Variants in STXBP6 observed in about 807,000 individuals in gnomAD.
STXBP6 encodes syntaxin-binding protein 6.
A neutral mutation model predicts 26.9 loss-of-function variants in STXBP6; 21 were observed. The observed-to-expected ratio is 0.78, with a 90% CI of 0.55 to 1.12. STXBP6 has a LOEUF of 1.12. Ranked by LOEUF, STXBP6 falls within the 50% of genes most tolerant of loss-of-function variation. STXBP6 has a pLI of 0.00. For missense variants in STXBP6, 232 were observed against 257.9 expected (o/e 0.90, Z 0.69); for synonymous variants, 97 against 92.6 (o/e 1.05, Z -0.27).
At chr14:24,964,368 G>A (rs2073658790) in intron 2 of STXBP6, among the ~76,000 whole-genome samples, 2 of 152,146 alleles carry the variant, frequency 1.3e-5, no homozygotes, top group Admixed American at 1.3e-4. Context: ...TATGGTATTG[G>A]ACAGCTTGGC....
intron 1 of STXBP6, among the ~76,000 whole-genome samples, chr14:25,032,248 A>C (rs2075471676): frequency 6.6e-6 from 1 of 152,180 alleles, no homozygotes. Flanking sequence ...CCACACTGGA[A>C]CTAGCCTCTC....
At chr14:25,009,777 A>G (rs2074989770) in intron 1 of STXBP6, among the ~76,000 whole-genome samples, 1 of 152,216 alleles carries the variant, frequency 6.6e-6, no homozygotes. Flanking sequence ...GCCAAATACC[A>G]CAAACATTAT....
At chr14:25,036,875 A>AT (rs2075564984) in intron 1 of STXBP6, among the ~76,000 whole-genome samples, 1 of 151,336 alleles carries the variant, frequency 6.6e-6, no homozygotes, top group Non-Finnish European at 1.5e-5. Context: ...AAAAAAAAAA[A>AT]GAAATCAGCT....
chr14:24,967,638 C>T (rs1030148973), intron 2 of STXBP6, among the ~76,000 whole-genome samples: 3 of 152,152 alleles, frequency 2.0e-5, no homozygotes, highest in African/African-American at 7.2e-5. Context: ...TTTTTATTGC[C>T]TTGTCTTCTA....
At chr14:24,860,775 A>T (rs1294565983) in intron 2 of STXBP6, among the ~76,000 whole-genome samples, 3 of 151,902 alleles carry the variant, frequency 2.0e-5, no homozygotes, top group Non-Finnish European at 2.9e-5. Flanking sequence ...CAAAAAAGTA[A>T]AAAAGAAAGG....
At chr14:24,846,702 C>T (rs1214201096) in intron 4 of STXBP6, among the ~76,000 whole-genome samples, 1 of 152,116 alleles carries the variant, frequency 6.6e-6, no homozygotes, top group African/African-American at 2.4e-5. Context: ...TTGCAATGAA[C>T]CTAGTCCTGG....
chr14:24,830,204 G>A (rs1399784094), intron 4 of STXBP6, among the ~76,000 whole-genome samples: 1 of 152,028 alleles, frequency 6.6e-6, no homozygotes, highest in African/African-American at 2.4e-5. Context: ...ATGGTAATGA[G>A]AGATCTTAAG....
chr14:24,837,679 C>A (rs1448586428), intron 4 of STXBP6, among the ~76,000 whole-genome samples: 1 of 152,134 alleles, frequency 6.6e-6, no homozygotes, highest in Admixed American at 6.5e-5. Context: ...AAGGCTAGGA[C>A]AGAATTAATC....
At chr14:24,978,215 G>T (rs993218818) in intron 1 of STXBP6, among the ~76,000 whole-genome samples, 3 of 152,186 alleles carry the variant, frequency 2.0e-5, no homozygotes, top group Admixed American at 2.0e-4. Flanking sequence ...AGACCCCTGG[G>T]TCCTTCCTTT....
chr14:24,989,874 C>T (rs945917371), intron 1 of STXBP6, among the ~76,000 whole-genome samples: 7 of 152,154 alleles, frequency 4.6e-5, no homozygotes, highest in African/African-American at 9.7e-5. Context: ...TATTAAGATA[C>T]GCCTCACCTT....
intron 1 of STXBP6, among the ~76,000 whole-genome samples, chr14:25,020,669 G>C (rs2075245260): frequency 6.6e-6 from 1 of 152,076 alleles, no homozygotes; most frequent in Admixed American, 6.5e-5. Flanking sequence ...AATATCCTCA[G>C]CTTCAGCTTC....
chr14:25,028,819 A>G (rs2075397197), intron 1 of STXBP6, among the ~76,000 whole-genome samples: 1 of 152,282 alleles, frequency 6.6e-6, no homozygotes, highest in East Asian at 1.9e-4. Flanking sequence ...GGAGGTCAAA[A>G]TATCAACATT....
At chr14:24,955,278 G>A (rs1260358230) in intron 2 of STXBP6, among the ~76,000 whole-genome samples, 5 of 152,064 alleles carry the variant, frequency 3.3e-5, no homozygotes, top group East Asian at 3.9e-4. Context: ...TCAACCTCCT[G>A]GGGATGGCTA....
chr14:24,844,120 C>A (rs1350938348), intron 4 of STXBP6, among the ~76,000 whole-genome samples: 2 of 152,126 alleles, frequency 1.3e-5, no homozygotes, highest in African/African-American at 4.8e-5. Flanking sequence ...GTAGAAGCCC[C>A]TAAATGATGG....
At chr14:24,843,871 G>T (rs1367269883) in intron 4 of STXBP6, among the ~76,000 whole-genome samples, 1 of 152,176 alleles carries the variant, frequency 6.6e-6, no homozygotes. Context: ...CTGCATGACA[G>T]GAATGAGAGT....
intron 2 of STXBP6, among the ~76,000 whole-genome samples, chr14:24,961,451 CAA>C (rs35074945): frequency 0.25 from 33,717 of 137,154 alleles, 4,803 homozygotes; most frequent in African/African-American, 0.43. Context: ...GAACTAAAAA[CAA>C]AAAAAAAAAA....
At chr14:24,913,585 C>A (rs976756407) in intron 2 of STXBP6, among the ~76,000 whole-genome samples, 1 of 152,176 alleles carries the variant, frequency 6.6e-6, no homozygotes, top group Admixed American at 6.5e-5. Context: ...TCTTTTAGAA[C>A]CCCAGCTCAG....
In STXBP6 at chr14:24,819,088, C is replaced by T. The variant is rs368697427; in HGVS notation, c.558G>A (p.Lys186=). The T allele has an allele frequency of 9.9e-6, 16 of 1,613,514 alleles. No individual in the cohort carries two copies. The African/African-American group carries it at 1.9e-4, about 19-fold the overall frequency. The change falls in exon 5 of 6, where the codon AAG becomes AAA. Residue 186 remains lysine, a synonymous_variant. Coordinates refer to ENST00000323944, the MANE Select transcript of STXBP6 (RefSeq NM_001394410.1). ...GGGCGCTGTTCTTCAGGTCTTCTGTCTTCTCCTCTGCTCGGCCTAATCGCT... is the reference window on the plus strand; with the variant it reads ...GGGCGCTGTTCTTCAGGTCTTCTGTTTTCTCCTCTGCTCGGCCTAATCGCT... The part of the protein sequence containing the change: ...RGERLGRAEE[K]TEDLKNSAQQ...
At chr14:24,993,600 TC>T (rs1024889169) in intron 1 of STXBP6, among the ~76,000 whole-genome samples, 4 of 152,202 alleles carry the variant, frequency 2.6e-5, no homozygotes, top group African/African-American at 9.6e-5. Context: ...TAGATTATTT[TC>T]CAGCAGTCTG....
Sources: allele counts gnomAD v4.1 joint callset (sites outside exome capture counted in the v4.1 genomes callset), GRCh38; gene constraint gnomAD v4.1.1; transcripts MANE v1.5; gene names NCBI Gene and HGNC (gene_info 2026-07-23, HGNC 2026-07-21).